Variants in DPP10 observed in about 807,000 individuals in gnomAD.
DPP10 encodes the protein inactive dipeptidyl peptidase 10.
DPP10 carries 33 observed loss-of-function variants against 120.9 expected under a neutral mutation model. The observed-to-expected ratio is 0.27, with a 90% confidence interval of 0.21 to 0.37. The LOEUF (loss-of-function observed/expected upper bound fraction) is 0.37. DPP10 is among the 10% of genes least tolerant of loss of function. The pLI, the probability that DPP10 is intolerant of heterozygous loss-of-function variation, is 1.00. For synonymous variants in DPP10, 337 were observed against 326.1 expected, an observed-to-expected ratio of 1.03 and a Z score of -0.36; for missense variants, 816 against 942.8, an observed-to-expected ratio of 0.87 and a Z score of 1.76.
At chr2:114,603,946 A>G (rs745762930) in intron 1 of DPP10, among the ~76,000 whole-genome samples, 1 of 152,050 alleles carries the variant, frequency 6.6e-6, no homozygotes, top group Admixed American at 6.6e-5. Context: ...AAAATATAGA[A>G]AGCAGAATTA....
chr2:114,999,436 C>G (rs1031476918), intron 1 of DPP10, among the ~76,000 whole-genome samples: 5 of 152,148 alleles, frequency 3.3e-5, no homozygotes, highest in Non-Finnish European at 7.4e-5. Context: ...TTATTCACTT[C>G]CTTGGTTAAA....
chr2:115,789,774 T>C (rs1250436547), intron 17 of DPP10, among the ~76,000 whole-genome samples: 1 of 152,224 alleles, frequency 6.6e-6, no homozygotes, highest in Admixed American at 6.5e-5. Flanking sequence ...GTTACATCTG[T>C]AGGCCAATAC....
In DPP10 at chr2:115,784,503, T is replaced by A. The variant is rs116380101; in HGVS notation, c.1531+2104T>A. 8.8e-3 allele frequency among the ~76,000 whole-genome samples: 1,346 copies of A among 152,326 alleles called. 16 individuals are homozygous for A. The highest frequency in any genetic ancestry group is 0.031 in the African/African-American group (1,291 of 41,572). ...GATAGAATGTGGTAGAAATGTTAAT[T>A]ATAACATATTAAAAATAATAGTCAA... is the stretch of plus-strand genomic sequence containing the variant. On this transcript the variant is annotated intron_variant, in intron 17 of 25. Transcript: ENST00000410059.
At chr2:115,674,898 C>T (rs966799007) in intron 5 of DPP10, among the ~76,000 whole-genome samples, 4 of 152,130 alleles carry the variant, frequency 2.6e-5, no homozygotes, top group African/African-American at 7.2e-5. Flanking sequence ...TCTAGAGTTC[C>T]ATTCTCTCTT....
chr2:115,721,788 A>G (rs1486885200), intron 7 of DPP10, among the ~76,000 whole-genome samples: 1 of 152,178 alleles, frequency 6.6e-6, no homozygotes, highest in Non-Finnish European at 1.5e-5. Flanking sequence ...GGAATCTCAA[A>G]GAGTTATTAG....
At chr2:115,348,649 G>A (rs1168488115) in intron 3 of DPP10, among the ~76,000 whole-genome samples, 7 of 151,980 alleles carry the variant, frequency 4.6e-5, no homozygotes, top group African/African-American at 1.4e-4. Context: ...TTTCCACTGT[G>A]TCAGAAGACA....
At chr2:115,614,948 A>G (rs2084380578) in intron 5 of DPP10, among the ~76,000 whole-genome samples, 1 of 152,180 alleles carries the variant, frequency 6.6e-6, no homozygotes, top group South Asian at 2.1e-4. Flanking sequence ...TCAATTCCCT[A>G]TCTGTGCATT....
chr2:115,569,080 A>G (rs2081191644), intron 5 of DPP10, among the ~76,000 whole-genome samples: 1 of 152,174 alleles, frequency 6.6e-6, no homozygotes, highest in East Asian at 1.9e-4. Context: ...ATACTTTGCA[A>G]CAATTGCATG....
At chr2:114,635,243 G>A (rs1695223459) in intron 1 of DPP10, among the ~76,000 whole-genome samples, 2 of 151,588 alleles carry the variant, frequency 1.3e-5, no homozygotes, top group South Asian at 4.1e-4. Flanking sequence ...AATTTAATTT[G>A]TATAAAATCC....
intron 5 of DPP10, among the ~76,000 whole-genome samples, chr2:115,632,417 T>C (rs1410024049): frequency 6.6e-6 from 1 of 152,138 alleles, no homozygotes; most frequent in African/African-American, 2.4e-5. Context: ...GTTAATATTA[T>C]TATGTTTGAT....
intron 10 of DPP10, among the ~76,000 whole-genome samples, chr2:115,749,727 G>A (rs571563698): frequency 1.4e-4 from 21 of 152,288 alleles, no homozygotes; most frequent in African/African-American, 4.6e-4. Context: ...CTTATGGGAA[G>A]ACATCACAGA....
At chr2:115,477,780 G>T (rs56954065) in intron 3 of DPP10, among the ~76,000 whole-genome samples, 125,577 of 151,798 alleles carry the variant, frequency 0.83, 55,005 homozygotes, top group Non-Finnish European at 0.97. Flanking sequence ...AAAACAGTGT[G>T]GTAATGGTGT....
intron 1 of DPP10, among the ~76,000 whole-genome samples, chr2:114,493,529 C>A (rs1421724143): frequency 3.3e-5 from 5 of 152,014 alleles, no homozygotes; most frequent in African/African-American, 1.2e-4. Flanking sequence ...TCGAATCTCT[C>A]AACCAACAAG....
At chr2:115,440,813 G>A (rs1230460080) in intron 3 of DPP10, 1 of 150,722 alleles carries the variant, frequency 6.6e-6, no homozygotes, top group African/African-American at 2.5e-5. Flanking sequence ...GAGTATGCCG[G>A]ACAGGAACTC....
At chr2:114,801,333 T>A (rs1684232349) in intron 1 of DPP10, among the ~76,000 whole-genome samples, 1 of 150,642 alleles carries the variant, frequency 6.6e-6, no homozygotes, top group Admixed American at 6.6e-5. Context: ...AAACAAATGA[T>A]GAATGATTCT....
chr2:115,584,738 C>T (rs191115709), intron 5 of DPP10, among the ~76,000 whole-genome samples: 6 of 152,086 alleles, frequency 3.9e-5, no homozygotes, highest in African/African-American at 1.2e-4. Flanking sequence ...GCTGTCCAGG[C>T]GAGGGATTAC....
chr2:114,580,624 C>T (rs1302423497), intron 1 of DPP10, among the ~76,000 whole-genome samples: 1 of 152,084 alleles, frequency 6.6e-6, no homozygotes. Flanking sequence ...TTTGCCAGCT[C>T]CTGCCTGGTC....
intron 1 of DPP10, among the ~76,000 whole-genome samples, chr2:115,237,846 C>A (rs1241039033): frequency 3.9e-5 from 6 of 152,106 alleles, no homozygotes; most frequent in Non-Finnish European, 8.8e-5. Context: ...GAGGAAATTG[C>A]AAAGGAAAAC....
chr2:115,212,929 C>A (rs1042036217), intron 1 of DPP10, among the ~76,000 whole-genome samples: 2 of 152,138 alleles, frequency 1.3e-5, no homozygotes, highest in Non-Finnish European at 1.5e-5. Context: ...GTCTATTTTA[C>A]TTCTCTTTCA....
Sources: gnomAD v4.1 joint callset for allele counts (sites outside exome capture counted in the v4.1 genomes callset) on GRCh38, gnomAD v4.1.1 for gene constraint, MANE v1.5 for transcripts, NCBI Gene and HGNC (gene_info 2026-07-23, HGNC 2026-07-21) for gene names.